The following XKR9 variants were observed in gnomAD, a reference collection of about 807,000 sequenced individuals.
XKR9 encodes the protein XK related 9.
XKR9 carries 32 observed loss-of-function variants against 32.0 expected under a neutral mutation model. The ratio of observed to expected loss-of-function variants is 1.00; its 90% confidence interval spans 0.76 to 1.34. The LOEUF is 1.34. Among genes scored for constraint, XKR9 ranks in the 40% most tolerant of loss-of-function variants. The pLI, the probability that XKR9 is intolerant of heterozygous loss-of-function variation, is 0.00. For missense variants in XKR9, 546 were observed against 429.7 expected (o/e 1.27, Z -2.39); for synonymous variants, 168 against 143.4 (o/e 1.17, Z -1.22).
intron 4 of XKR9, among the ~76,000 whole-genome samples, chr8:70,713,191 CAATG>C (rs1365492337): frequency 2.0e-5 from 3 of 152,028 alleles, no homozygotes; most frequent in Admixed American, 1.3e-4. Flanking sequence ...ATTAAATAGA[CAATG>C]AATGAGTTAC....
chr8:71,014,897 T>A, the XKR9 span, among the ~76,000 whole-genome samples: 1 of 152,230 alleles, frequency 6.6e-6, no homozygotes, highest in Non-Finnish European at 1.5e-5. Flanking sequence ...GTTTGAGTCC[T>A]GGGTCCACTA....
chr8:70,768,787 A>T (rs1484704294), intron 2 of XKR9, among the ~76,000 whole-genome samples: 2 of 151,438 alleles, frequency 1.3e-5, no homozygotes, highest in African/African-American at 2.4e-5. Context: ...TGCTTGGTAA[A>T]TATTCTTCCA....
At chr8:70,787,771 A>G (rs1356509044) in intron 2 of XKR9, among the ~76,000 whole-genome samples, 3 of 152,082 alleles carry the variant, frequency 2.0e-5, no homozygotes. Flanking sequence ...CTAGGTATCT[A>G]CATGATACAT....
At chr8:70,892,366 G>A in the XKR9 span, among the ~76,000 whole-genome samples, 1 of 152,018 alleles carries the variant, frequency 6.6e-6, no homozygotes, top group Admixed American at 6.6e-5. Flanking sequence ...TTACAGTTTG[G>A]AGATTTTATG....
chr8:70,834,971 G>T, the XKR9 span, among the ~76,000 whole-genome samples: 1 of 152,124 alleles, frequency 6.6e-6, no homozygotes, highest in Non-Finnish European at 1.5e-5. Flanking sequence ...GAATGAGTGA[G>T]AATCTAGGGA....
At chr8:70,740,634 A>C (rs1303249177), downstream of XKR9, among the ~76,000 whole-genome samples, 4 of 151,884 alleles carry the variant, frequency 2.6e-5, no homozygotes, top group African/African-American at 9.7e-5. Flanking sequence ...TGATGTACAG[A>C]TGGGTTTTTG....
At chr8:70,801,804 C>CTAGG in the XKR9 span, among the ~76,000 whole-genome samples, 3 of 152,116 alleles carry the variant, frequency 2.0e-5, no homozygotes, top group Non-Finnish European at 4.4e-5. Flanking sequence ...TGAGTCTATT[C>CTAGG]ATAGGTCTCT....
chr8:70,787,106 T>C (rs1807699032), intron 2 of XKR9, among the ~76,000 whole-genome samples: 1 of 152,126 alleles, frequency 6.6e-6, no homozygotes, highest in South Asian at 2.1e-4. Context: ...GTTAAGAGAA[T>C]GGAAGAGAGA....
At chr8:71,040,093 C>T in the XKR9 span, among the ~76,000 whole-genome samples, 4 of 152,314 alleles carry the variant, frequency 2.6e-5, no homozygotes, top group Non-Finnish European at 5.9e-5. Flanking sequence ...TTAGGATTTA[C>T]GCATTTCTCC....
At chr8:70,748,394 C>A (rs1041740499) in intron 2 of XKR9, among the ~76,000 whole-genome samples, 5 of 152,278 alleles carry the variant, frequency 3.3e-5, no homozygotes, top group Non-Finnish European at 4.4e-5. Context: ...TCTCTCCCCG[C>A]TCCTGGCGCC....
chr8:70,701,472 G>A (rs1325511972), intron 3 of XKR9, among the ~76,000 whole-genome samples: 1 of 152,132 alleles, frequency 6.6e-6, no homozygotes, highest in African/African-American at 2.4e-5. Flanking sequence ...CTTAGAGCCA[G>A]GCACACTAAC....
At chr8:70,924,016 T>G in the XKR9 span, among the ~76,000 whole-genome samples, 1 of 152,310 alleles carries the variant, frequency 6.6e-6, no homozygotes, top group South Asian at 2.1e-4. Context: ...TCTCAAAAAC[T>G]AAAAAGCCCT....
the XKR9 span, among the ~76,000 whole-genome samples, chr8:70,994,296 G>A: frequency 2.6e-5 from 4 of 151,966 alleles, no homozygotes; most frequent in South Asian, 6.2e-4. Flanking sequence ...AGGTCTACTG[G>A]TGATGAATTC....
At chr8:71,017,988 T>C in the XKR9 span, among the ~76,000 whole-genome samples, 1 of 152,230 alleles carries the variant, frequency 6.6e-6, no homozygotes, top group Admixed American at 6.5e-5. Context: ...TGGTAGTATC[T>C]GTAACAACGT....
downstream of XKR9, among the ~76,000 whole-genome samples, chr8:70,739,415 T>G (rs1292229778): frequency 2.6e-5 from 4 of 152,230 alleles, no homozygotes; most frequent in African/African-American, 9.7e-5. Flanking sequence ...TCTTGACTCT[T>G]TATCCAATTT....
intron 2 of XKR9, among the ~76,000 whole-genome samples, chr8:70,742,492 G>GT (rs1269807587): frequency 6.6e-6 from 1 of 151,966 alleles, no homozygotes; most frequent in Admixed American, 6.6e-5. Context: ...AGTGTTCTTC[G>GT]TTTTTTTCTG....
At chr8:71,065,489 T>A in the XKR9 span, among the ~76,000 whole-genome samples, 1 of 152,198 alleles carries the variant, frequency 6.6e-6, no homozygotes, top group African/African-American at 2.4e-5. Context: ...AAAATTAACA[T>A]GTGTTGTTTA....
chr8:70,740,972 T>C (rs186214535), intron 2 of XKR9, among the ~76,000 whole-genome samples: 2 of 152,334 alleles, frequency 1.3e-5, no homozygotes, highest in East Asian at 3.9e-4. Context: ...AGCTGCGGGC[T>C]GGGAGAACCA....
chr8:70,811,777 T>G, the XKR9 span, among the ~76,000 whole-genome samples: 2,600 of 151,966 alleles, frequency 0.017, 35 homozygotes, highest in African/African-American at 0.024. Context: ...AATAACAGGA[T>G]CTGAAATTGT....
Sources: allele counts gnomAD v4.1 joint callset (sites outside exome capture counted in the v4.1 genomes callset), GRCh38; gene constraint gnomAD v4.1.1; transcripts MANE v1.5; gene names NCBI Gene and HGNC (gene_info 2026-07-23, HGNC 2026-07-21).